The following NASP variants were observed in gnomAD, a reference collection of about 807,000 sequenced individuals.
The protein encoded by NASP is nuclear autoantigenic sperm protein, also known as NASP histone chaperone.
A neutral mutation model predicts 89.5 loss-of-function variants in NASP; 24 were observed. That is an observed-to-expected ratio of 0.27 (90% CI 0.19 to 0.38). The LOEUF (loss-of-function observed/expected upper bound fraction) is 0.38. NASP is among the 10% of genes least tolerant of loss of function. NASP has a pLI of 1.00. For synonymous variants in NASP, 306 were observed against 324.7 expected (o/e 0.94, Z 0.62); for missense variants, 848 against 921.4 (o/e 0.92, Z 1.03).
intron 4 of NASP, among the ~76,000 whole-genome samples, chr1:45,605,969 T>A (rs2148356441): frequency 6.6e-6 from 1 of 152,050 alleles, no homozygotes; most frequent in African/African-American, 2.4e-5. Flanking sequence ...AGAGATGGGG[T>A]TTCTCCATGT....
chr1:45,605,774 GT>G (rs66530330), intron 4 of NASP: 89,321 of 129,578 alleles, frequency 0.69, 30,379 homozygotes, highest in African/African-American at 0.7. Context: ...GTTCTGATAA[GT>G]TTTTTTTTTT....
chr1:45,584,866 C>T (rs1644507278), intron 1 of NASP, among the ~76,000 whole-genome samples: 1 of 152,232 alleles, frequency 6.6e-6, no homozygotes, highest in South Asian at 2.1e-4. Context: ...CGACACCTCG[C>T]TCACGTCTTG....
Position 45,618,189 on chromosome 1 carries a change from G to A in NASP, c.*48G>A. 3 of 1,441,264 alleles carry A rather than the reference G, an allele frequency of 2.1e-6. No homozygotes were observed. The highest frequency in any genetic ancestry group is 2.5e-5 in the East Asian group (1 of 40,186). The allele number at this position is 1,441,264 out of a possible 1,614,324, so 89.3% of individuals were successfully genotyped here. A position where few individuals can be genotyped will look rare whatever the true frequency, so the allele number is the denominator to read the frequency against. ...AAGGGAAAGTGTTTTTGTATATAAT[G>A]TATTTTTTCACTTTTGGAGGATTCT... On this transcript the variant is annotated 3_prime_UTR_variant, in exon 15 of 15. Transcript: ENST00000350030.
At chr1:45,613,296 G>A (rs779762047) in intron 7 of NASP, 48 bp downstream of exon 7, 1 of 1,563,146 alleles carries the variant, frequency 6.4e-7, no homozygotes, top group South Asian at 1.2e-5. Context: ...TTCTGTTTTT[G>A]GGAGACTGGA....
chr1:45,586,915 T>C (rs558857936), intron 1 of NASP, among the ~76,000 whole-genome samples: 2 of 152,282 alleles, frequency 1.3e-5, no homozygotes, highest in Admixed American at 1.3e-4. Context: ...CAGGCTGGAT[T>C]CCCAACTCCT....
intron 6 of NASP, chr1:45,609,934 C>G (rs1368705339): frequency 6.6e-6 from 1 of 152,200 alleles, no homozygotes; most frequent in East Asian, 1.9e-4. Context: ...GGCGCAGTAG[C>G]TTCACACCTG....
At chr1:45,617,968 T>G in intron 14 of NASP, 93 bp from the exon 15 acceptor site, 1 of 1,133,302 alleles carries the variant, frequency 8.8e-7, no homozygotes, top group Non-Finnish European at 1.3e-6. Flanking sequence ...TTTGGGTGAC[T>G]TGTATATGCT....
chr1:45,612,504 C>A (rs1046953770), intron 6 of NASP: 2 of 152,256 alleles, frequency 1.3e-5, no homozygotes, highest in East Asian at 3.9e-4. Flanking sequence ...TGAGTGTATT[C>A]AATATGGTGA....
chr1:45,604,939 TAAG>T lies in NASP; in HGVS notation c.226_228del (p.Lys76del). ...TAGATGTTTATTCTCTTTGTAGAGG[TAAG>T]AAGTATGGAGAGACAGCTAATGAGT... On this transcript the variant is annotated inframe_deletion, in exon 4 of 15. Coordinates refer to ENST00000350030, the MANE Select transcript of NASP (RefSeq NM_002482.4). 6.2e-7 allele frequency: 1 copy of T among 1,606,768 alleles called. No homozygotes were observed. Among genetic ancestry groups the T allele is most frequent in the African/African-American group, 1.3e-5 (1 of 74,874 alleles).
chr1:45,586,239 CGTGTGTGTGT>C (rs537983711), intron 1 of NASP, among the ~76,000 whole-genome samples: 80 of 110,286 alleles, frequency 7.3e-4, no homozygotes, highest in South Asian at 2.5e-3. Flanking sequence ...CCTACCGTGC[CGTGTGTGTGT>C]GTGTGTGTGT....
intron 2 of NASP, among the ~76,000 whole-genome samples, chr1:45,599,953 A>ATTTTTTTTT (rs11302173): frequency 1.5e-4 from 12 of 79,076 alleles, no homozygotes; most frequent in African/African-American, 5.6e-4. Flanking sequence ...TTTCCTCTGT[A>ATTTTTTTTT]TTTTTTTTTT....
Position 45,587,425 on chromosome 1 carries a change from C to T in NASP, c.59+3220C>T, listed in dbSNP as rs114914791. ...ACCTCAGGTGATCAGCCGGTCTCGG[C>T]GTGAGCCACCGTGCCCGGCTGCAGT... On this transcript the variant is annotated intron_variant, in intron 1 of 14. Transcript: ENST00000350030. 6.2e-3 allele frequency among the ~76,000 whole-genome samples: 945 copies of T among 151,866 alleles called. 10 individuals are homozygous for T. Among genetic ancestry groups the T allele is most frequent in the African/African-American group, 0.021 (879 of 41,434 alleles).
In NASP at chr1:45,607,999, T is replaced by G; in HGVS notation, c.1088T>G (p.Val363Gly). 1 of 1,613,936 alleles carries G rather than the reference T, an allele frequency of 6.2e-7. No individual in the cohort carries two copies. The highest frequency in any genetic ancestry group is 8.5e-7 in the Non-Finnish European group (1 of 1,179,914). The stretch of plus-strand genomic sequence containing the variant: ...TCAGCTGTAGAGGCTGGATCAGAAG[T>G]CTCTGAAAAGCCTGGGCAGGAGGCT... ...EASAVEAGSE[V>G]SEKPGQEAPV... The change falls in exon 6 of 15, where the codon GTC becomes GGC. Residue 363 changes from valine to glycine, a missense_variant. Around this residue, in one of 5 missense-constraint regions of NASP, gnomAD observed 464 missense variants for 469.4 expected, o/e 0.99. Transcript: ENST00000350030.
Position 45,614,286 on chromosome 1 carries a change from CT to C in NASP, c.1593-3del. 1 of 1,613,592 alleles carries C rather than the reference CT, an allele frequency of 6.2e-7. No individual in the cohort carries two copies. The highest frequency in any genetic ancestry group is 8.5e-7 in the Non-Finnish European group (1 of 1,179,514). On this transcript the variant is annotated splice_region_variant and splice_polypyrimidine_tract_variant and intron_variant, in intron 8 of 14. Transcript: ENST00000350030. ...TTAAGGTTTTTGATCAATTTTCCTT[CT>C]TTTAGGCAAGAAACAAAAGAAGCAC...
At chr1:45,590,529 G>A (rs1570951097) in intron 1 of NASP, among the ~76,000 whole-genome samples, 1 of 137,922 alleles carries the variant, frequency 7.3e-6, no homozygotes, top group Admixed American at 7.7e-5. Flanking sequence ...CAGCCTGGGC[G>A]ACAGAGCAAG....
chr1:45,617,733 T>C, intron 14 of NASP, 142 bp downstream of exon 14: 4 of 1,073,572 alleles, frequency 3.7e-6, no homozygotes, highest in Non-Finnish European at 5.3e-6. Context: ...ACGGTACTTG[T>C]GCAGGAAAAC....
chr1:45,601,061 A>G (rs1001256114), intron 2 of NASP, among the ~76,000 whole-genome samples: 2 of 152,150 alleles, frequency 1.3e-5, no homozygotes, highest in African/African-American at 2.4e-5. Flanking sequence ...AGTTCTTTAT[A>G]TATTCAAGTC....
intron 6 of NASP, among the ~76,000 whole-genome samples, chr1:45,608,766 C>G (rs903389921): frequency 6.6e-6 from 1 of 152,136 alleles, no homozygotes; most frequent in Non-Finnish European, 1.5e-5. Flanking sequence ...CACATGACTC[C>G]TTTTCTGTGC....
chr1:45,595,135 G>C (rs911307598), intron 2 of NASP, among the ~76,000 whole-genome samples: 1 of 56,988 alleles, frequency 1.8e-5, no homozygotes, highest in Non-Finnish European at 3.6e-5. Flanking sequence ...AGTTTTGTGT[G>C]TGTGTGTGTG....
Sources: allele counts gnomAD v4.1 joint callset (sites outside exome capture counted in the v4.1 genomes callset), GRCh38; gene constraint gnomAD v4.1.1; regional missense constraint gnomAD v4.1.1; transcripts MANE v1.5; gene names NCBI Gene and HGNC (gene_info 2026-07-23, HGNC 2026-07-21).